The following CD99 variants were observed in gnomAD, a reference collection of about 807,000 sequenced individuals.
The protein encoded by CD99 is CD99 molecule (Xg blood group).
Under a neutral mutation model 28.4 loss-of-function variants are expected in CD99, and 19 were observed. That is an observed-to-expected ratio of 0.67 (90% CI 0.47 to 0.98). The LOEUF is 0.98. Among genes scored for constraint, CD99 ranks in the 50% least tolerant of loss-of-function variants. The pLI, the probability that CD99 is intolerant of heterozygous loss-of-function variation, is 0.00. For synonymous variants in CD99, 103 were observed against 92.1 expected, an observed-to-expected ratio of 1.12 and a Z score of -0.67; for missense variants, 283 against 248.8, an observed-to-expected ratio of 1.14 and a Z score of -0.92.
At chrX:2,705,112 G>C (rs311050) in intron 1 of CD99, among the ~76,000 whole-genome samples, 4 of 152,120 alleles carry the variant, frequency 2.6e-5, no homozygotes, top group African/African-American at 9.7e-5. Context: ...CTAGCAGAGA[G>C]TGTTTCCAGG....
chrX:2,731,847 C>T (rs1452369891), intron 8 of CD99, among the ~76,000 whole-genome samples: 4 of 151,818 alleles, frequency 2.6e-5, no homozygotes, highest in African/African-American at 9.7e-5. Flanking sequence ...TTGGGGTTCA[C>T]GGATTAGAAA....
At chrX:2,721,925 C>T (rs1446494646) in intron 5 of CD99, among the ~76,000 whole-genome samples, 1 of 152,084 alleles carries the variant, frequency 6.6e-6, no homozygotes, top group Non-Finnish European at 1.5e-5. Context: ...TAGTTTAGAT[C>T]AACGTATATG....
chrX:2,727,583 T>A (rs768337569), intron 8 of CD99, among the ~76,000 whole-genome samples: 11 of 152,188 alleles, frequency 7.2e-5, no homozygotes, highest in African/African-American at 2.4e-4. Flanking sequence ...TTCAAGTGAT[T>A]CTCCTGCCTC....
chrX:2,720,282 C>A, intron 4 of CD99, 74 bp from the exon 5 acceptor site: 1 of 1,339,842 alleles, frequency 7.5e-7, no homozygotes, highest in Non-Finnish European at 1.1e-6. Context: ...AGGGAACCAT[C>A]TGTGTGTAAA....
At chrX:2,736,030 G>A (rs372869158) in intron 8 of CD99, among the ~76,000 whole-genome samples, 40 of 151,506 alleles carry the variant, frequency 2.6e-4, no homozygotes, top group African/African-American at 7.0e-4. Context: ...GTGAAACCCC[G>A]TCTCTACTAA....
At position 2,714,444 on chromosome X, in the gene CD99, T is replaced by C; in HGVS notation, c.90T>C (p.Asp30=). ...AAPDGGFDLS[D]ALPDNENKKP... is the part of the protein sequence containing the mutation. The stretch of plus-strand genomic sequence containing the variant: ...TAGATGGTGGTTTCGATTTATCCGA[T>C]GCCCTTCCTGGTGAGTATCAACATC... The change falls in exon 2 of 10, where the codon GAT becomes GAC. Residue 30 remains aspartate, a synonymous_variant. Transcript: ENST00000381192. 2 of 1,602,280 alleles carry C rather than the reference T, an allele frequency of 1.2e-6. No individual in the cohort carries two copies. Among genetic ancestry groups the C allele is most frequent in the Non-Finnish European group, 1.7e-6 (2 of 1,169,828 alleles).
intron 3 of CD99, chrX:2,718,004 TGATC>T (rs971927759): frequency 1.7e-5 from 4 of 231,620 alleles, no homozygotes; most frequent in African/African-American, 9.4e-5. Context: ...TGCAGTGGTG[TGATC>T]TTGGCTCACT....
At position 2,723,352 on chromosome X, in the gene CD99, G is replaced by T. The variant is rs766219273; in HGVS notation, c.349G>T (p.Glu117Ter). 6.2e-7 allele frequency: 1 copy of T among 1,614,008 alleles called. No individual in the cohort carries two copies. Among genetic ancestry groups the T allele is most frequent in the Non-Finnish European group, 8.5e-7 (1 of 1,179,868 alleles). ...TGATGGTGGAGGCAGCCACAGGAAA[G>T]AAGGGGAAGAGGGTAGGTGCACCTG... ...GSDGGGSHRKEGEEADAPGVI... is the reference protein window; with the variant it reads ...GSDGGGSHRK The change falls in exon 7 of 10, where the codon GAA becomes TAA. Residue 117 changes from glutamate (E) to a stop codon, truncating the protein, a stop_gained. Coordinates refer to ENST00000381192, the MANE Select transcript of CD99 (RefSeq NM_002414.5). LOFTEE classifies it high-confidence loss of function.
At chrX:2,738,439 TC>T (rs1339202433) in intron 9 of CD99, among the ~76,000 whole-genome samples, 183 bp downstream of exon 9, 1 of 152,268 alleles carries the variant, frequency 6.6e-6, no homozygotes, top group African/African-American at 2.4e-5. Flanking sequence ...TGTGTAAACT[TC>T]CTAGGGCCTG....
intron 1 of CD99, among the ~76,000 whole-genome samples, chrX:2,704,142 G>A (rs1312156088): frequency 6.6e-6 from 1 of 152,214 alleles, no homozygotes. Flanking sequence ...AACTGCCGGT[G>A]TGAGGCGTGC....
intron 1 of CD99, among the ~76,000 whole-genome samples, chrX:2,713,349 C>A (rs1185198634): frequency 6.6e-6 from 1 of 151,628 alleles, no homozygotes; most frequent in Non-Finnish European, 1.5e-5. Context: ...ACAAAATACA[C>A]CTCCACACTT....
At chrX:2,708,763 G>A (rs1569432143) in intron 1 of CD99, among the ~76,000 whole-genome samples, 3 of 152,108 alleles carry the variant, frequency 2.0e-5, no homozygotes, top group South Asian at 4.1e-4. Flanking sequence ...GACCTCCGTC[G>A]GCTGAGCTTG....
intron 7 of CD99, among the ~76,000 whole-genome samples, chrX:2,724,913 C>T (rs1055832181): frequency 6.7e-5 from 9 of 133,988 alleles, no homozygotes; most frequent in Non-Finnish European, 1.2e-4. Flanking sequence ...AAAAAAAAAA[C>T]TAGCCAGGGG....
chrX:2,714,554 C>A, intron 2 of CD99, 100 bp downstream of exon 2: 2 of 1,018,796 alleles, frequency 2.0e-6, no homozygotes, highest in Non-Finnish European at 3.0e-6. Flanking sequence ...TCTAGACCAC[C>A]GCAATAACAG....
intron 1 of CD99, among the ~76,000 whole-genome samples, chrX:2,705,780 A>G (rs1018947745): frequency 2.0e-5 from 3 of 152,158 alleles, no homozygotes; most frequent in African/African-American, 7.2e-5. Context: ...GAAAAAGAGG[A>G]CAATACTTCC....
In CD99 at chrX:2,691,672, A is replaced by G. The variant is rs1291101654; in HGVS notation, c.67+245A>G. 4.3e-6 allele frequency: 3 copies of G among 704,100 alleles called. No homozygotes were observed. In the Admixed American group the frequency reaches 6.0e-5, roughly 14 times the overall value. 43.6% of individuals were successfully genotyped at this position (704,100 alleles called of 1,614,324 possible). A position where few individuals can be genotyped will look rare whatever the true frequency, so the allele number is the denominator to read the frequency against. ...TTTGTTGTCGGAGTTGCAAACTCTT[A>G]CATGTGGGGCGGCCTTGGGAGAGGT... is the stretch of plus-strand genomic sequence containing the variant. On this transcript the variant is annotated intron_variant, in intron 1 of 9. Transcript: ENST00000381192.
intron 8 of CD99, among the ~76,000 whole-genome samples, chrX:2,730,753 A>T (rs1303614542): frequency 1.3e-5 from 2 of 151,716 alleles, no homozygotes; most frequent in Middle Eastern, 3.2e-3. Flanking sequence ...AGATGGTGAA[A>T]CCCCGTCTCT....
At chrX:2,709,703 G>C (rs1257084007) in intron 1 of CD99, among the ~76,000 whole-genome samples, 2 of 152,110 alleles carry the variant, frequency 1.3e-5, no homozygotes, top group Non-Finnish European at 2.9e-5. Flanking sequence ...CATGAACATA[G>C]ACACACACAT....
chrX:2,693,490 A>C (rs2047429891), intron 1 of CD99, among the ~76,000 whole-genome samples: 1 of 152,164 alleles, frequency 6.6e-6, no homozygotes, highest in African/African-American at 2.4e-5. Context: ...ACCCTGCTAG[A>C]GATGGAGACA....
Sources: allele counts gnomAD v4.1 joint callset (sites outside exome capture counted in the v4.1 genomes callset), GRCh38; gene constraint gnomAD v4.1.1; transcripts MANE v1.5; gene names NCBI Gene and HGNC (gene_info 2026-07-23, HGNC 2026-07-21).